The following ECPAS variants were observed in gnomAD, a reference collection of about 807,000 sequenced individuals.
ECPAS encodes the protein proteasome adapter and scaffold protein ECM29.
In ECPAS, 70 loss-of-function variants were observed where a neutral mutation model predicts 255.1. The ratio of observed to expected loss-of-function variants is 0.27; its 90% CI spans 0.23 to 0.33. The LOEUF (loss-of-function observed/expected upper bound fraction) is 0.33, where lower values mean the gene tolerates loss of function less well. ECPAS is among the 10% of genes least tolerant of loss of function. The probability of loss-of-function intolerance (pLI) is 1.00; values close to 1 mark genes in which losing one functional copy is unlikely to be tolerated. For missense variants in ECPAS, 1,817 were observed against 2,206.4 expected, an observed-to-expected ratio of 0.82 and a Z score of 3.54; for synonymous variants, 784 against 775.0, an observed-to-expected ratio of 1.01 and a Z score of -0.19.
intron 42 of ECPAS, among the ~76,000 whole-genome samples, 194 bp downstream of exon 42, chr9:111,372,235 C>A (rs369276436): frequency 6.6e-6 from 1 of 152,284 alleles, no homozygotes; most frequent in East Asian, 1.9e-4. Context: ...TGAGTGCCAA[C>A]CTTGAGAACT....
At chr9:111,368,013 C>A (rs1441158436) in intron 46 of ECPAS, among the ~76,000 whole-genome samples, 1 of 143,156 alleles carries the variant, frequency 7.0e-6, no homozygotes, top group African/African-American at 2.7e-5. Context: ...CCAGCCTGGG[C>A]AACAAAGCAA....
intron 2 of ECPAS, among the ~76,000 whole-genome samples, chr9:111,464,163 T>C (rs1244819389): frequency 2.0e-5 from 3 of 151,790 alleles, no homozygotes; most frequent in Admixed American, 6.6e-5. Context: ...CTGAGTGTGG[T>C]GGCTCACACC....
At chr9:111,390,723 C>T (rs1474857904) in intron 29 of ECPAS, among the ~76,000 whole-genome samples, 1 of 152,144 alleles carries the variant, frequency 6.6e-6, no homozygotes, top group African/African-American at 2.4e-5. Flanking sequence ...GAAGCAGGCT[C>T]GTGTGTGACA....
chr9:111,452,770 G>C (rs1051107269), intron 2 of ECPAS, among the ~76,000 whole-genome samples: 1 of 152,174 alleles, frequency 6.6e-6, no homozygotes, highest in African/African-American at 2.4e-5. Flanking sequence ...AATCCTGAGA[G>C]GGGCAGAAGC....
chr9:111,442,347 A>C lies in ECPAS; in HGVS notation c.348T>G (p.Leu116=). The part of the protein sequence containing the change: ...VEKQCELAPT[L]LTAMEGKPQP... ...GAGGCTTCCCTTCCATGGCAGTAAG[A>C]AGCGTAGGGGCCAGTTCACATTGTT... is the stretch of plus-strand genomic sequence containing the variant. The change falls in exon 5 of 50, where the codon CTT becomes CTG. Residue 116 remains leucine, a synonymous_variant. Coordinates refer to ENST00000684092, the MANE Select transcript of ECPAS (RefSeq NM_001364929.1). 6.2e-7 allele frequency: 1 copy of C among 1,613,178 alleles called. No homozygotes were observed. Among genetic ancestry groups the C allele is most frequent in the South Asian group, 1.1e-5 (1 of 90,774 alleles).
Position 111,442,317 on chromosome 9 carries a change from T to C in ECPAS, c.378A>G (p.Pro126=). 1.2e-6 allele frequency: 2 copies of C among 1,606,994 alleles called. No individual in the cohort carries two copies. Among genetic ancestry groups the C allele is most frequent in the Non-Finnish European group, 1.7e-6 (2 of 1,175,078 alleles). Residue 126 remains proline (P), a synonymous_variant, in exon 5 of 50, where the codon CCA becomes CCG. Coordinates refer to ENST00000684092, the MANE Select transcript of ECPAS (RefSeq NM_001364929.1). ...TGAGGAAATCATACCTATCCTGCTG[T>C]GGCTGAGGCTTCCCTTCCATGGCAG... ...LLTAMEGKPQ[P]QQDSLMHLLI...
intron 2 of ECPAS, among the ~76,000 whole-genome samples, chr9:111,458,261 T>C (rs1013375897): frequency 2.0e-5 from 3 of 152,214 alleles, no homozygotes; most frequent in South Asian, 4.1e-4. Context: ...TGAACTTGTC[T>C]ATTAGGAACA....
At chr9:111,428,354 A>C (rs2098224755) in intron 9 of ECPAS, among the ~76,000 whole-genome samples, 193 bp from the exon 10 acceptor site, 1 of 152,198 alleles carries the variant, frequency 6.6e-6, no homozygotes, top group African/African-American at 2.4e-5. Context: ...CTATACGGGA[A>C]ATTAAAACTG....
chr9:111,465,740 C>A (rs906834688), intron 2 of ECPAS, among the ~76,000 whole-genome samples: 9 of 151,540 alleles, frequency 5.9e-5, no homozygotes, highest in African/African-American at 2.2e-4. Flanking sequence ...TAGAAAAAAA[C>A]AGCATACAGG....
At chr9:111,390,223 A>C (rs1432854677) in intron 29 of ECPAS, 122 bp from the exon 30 acceptor site, 1 of 562,914 alleles carries the variant, frequency 1.8e-6, no homozygotes, top group Non-Finnish European at 3.2e-6. Flanking sequence ...TCTAATACTG[A>C]GTTATCACCA....
intron 4 of ECPAS, among the ~76,000 whole-genome samples, chr9:111,443,567 A>G (rs1256395704): frequency 1.3e-5 from 2 of 152,134 alleles, no homozygotes; most frequent in Middle Eastern, 3.2e-3. Context: ...ATTCTTTACT[A>G]AAGTAAATGG....
At chr9:111,372,395 A>G in intron 42 of ECPAS, 34 bp downstream of exon 42, 2 of 1,574,990 alleles carry the variant, frequency 1.3e-6, no homozygotes, top group African/African-American at 1.4e-5. Context: ...TGTGATTCCT[A>G]AGAAGCAGGT....
intron 2 of ECPAS, among the ~76,000 whole-genome samples, chr9:111,469,635 C>G (rs2098284184): frequency 6.6e-6 from 1 of 151,686 alleles, no homozygotes; most frequent in South Asian, 2.1e-4. Context: ...ACAGTGAAAC[C>G]CCATCTCTAC....
chr9:111,459,902 T>TGG (rs2098271212), intron 2 of ECPAS, among the ~76,000 whole-genome samples: 1 of 152,000 alleles, frequency 6.6e-6, no homozygotes, highest in Non-Finnish European at 1.5e-5. Context: ...GAGAAAAAGG[T>TGG]GGGGTAAAGG....
intron 42 of ECPAS, among the ~76,000 whole-genome samples, chr9:111,372,073 C>A (rs1006643787): frequency 6.6e-6 from 1 of 152,094 alleles, no homozygotes; most frequent in Non-Finnish European, 1.5e-5. Context: ...AATTAATATG[C>A]GACAAGGTGA....
chr9:111,480,482 G>A (rs2098303142), intron 1 of ECPAS, among the ~76,000 whole-genome samples: 1 of 151,782 alleles, frequency 6.6e-6, no homozygotes, highest in Admixed American at 6.6e-5. Flanking sequence ...ATTTTTAGTA[G>A]AGACAGGGTT....
intron 24 of ECPAS, among the ~76,000 whole-genome samples, chr9:111,399,224 C>G (rs1388569563): frequency 6.6e-6 from 1 of 152,092 alleles, no homozygotes; most frequent in African/African-American, 2.4e-5. Context: ...AGAATCTCAT[C>G]CCCTCCCCAT....
intron 18 of ECPAS, among the ~76,000 whole-genome samples, chr9:111,415,258 A>AGG (rs2098201555): frequency 6.6e-6 from 1 of 150,452 alleles, no homozygotes; most frequent in Admixed American, 6.6e-5. Flanking sequence ...TGTGTGAGAG[A>AGG]GAGAGAAAGA....
At chr9:111,393,806 C>G in intron 26 of ECPAS, 72 bp from the exon 27 acceptor site, 1 of 1,091,964 alleles carries the variant, frequency 9.2e-7, no homozygotes, top group East Asian at 2.4e-5. Context: ...TTGCTCTCAC[C>G]GTGTACAAAA....
Sources: allele counts gnomAD v4.1 joint callset (sites outside exome capture counted in the v4.1 genomes callset), GRCh38; gene constraint gnomAD v4.1.1; transcripts MANE v1.5; gene names NCBI Gene and HGNC (gene_info 2026-07-23, HGNC 2026-07-21).